SETD2: variants seen among roughly 807,000 people sequenced by gnomAD.
SETD2 encodes the protein histone-lysine N-methyltransferase SETD2.
Under a neutral mutation model 242.1 loss-of-function variants are expected in SETD2, and 31 were observed. That is an observed-to-expected ratio of 0.13 (90% CI 0.10 to 0.17). The LOEUF (loss-of-function observed/expected upper bound fraction) is 0.17. SETD2 is among the 10% of genes least tolerant of loss of function. SETD2 has a pLI of 1.00. For synonymous variants in SETD2, 1,006 were observed against 1,066.5 expected, an observed-to-expected ratio of 0.94 and a Z score of 1.11; for missense variants, 2,481 against 3,046.3, an observed-to-expected ratio of 0.81 and a Z score of 4.37.
chr3:47,101,009 C>CAAA (rs1164475680), intron 8 of SETD2, among the ~76,000 whole-genome samples: 30 of 23,114 alleles, frequency 1.3e-3, no homozygotes, highest in Admixed American at 7.9e-3. Flanking sequence ...GAGTCCATCT[C>CAAA]AAAAAAAAAA....
rs2041425571 is a variant in SETD2 at position 47,083,896 on chromosome 3, G to A, written c.5884C>T (p.Pro1962Ser). The change falls in exon 12 of 21, where the codon CCC becomes TCC. Residue 1962 changes from proline (P) to serine (S), a missense_variant. By Grantham distance (74) the Pro-to-Ser change is moderately conservative (BLOSUM62 -1). Around this residue, in one of 17 missense-constraint regions of SETD2, gnomAD observed 203 missense variants for 222.4 expected, o/e 0.91. Transcript: ENST00000409792. ...SEPEADAEIE[P>S]KESNGTKLEE... ...AGTTTTGTGCCGTTGCTCTCTTTGG[G>A]CTCTATTTCAGCGTCAGCTTCTGGT... 1 of 1,613,970 alleles carries A rather than the reference G, an allele frequency of 6.2e-7. No individual in the cohort carries two copies. Among genetic ancestry groups the A allele is most frequent in the African/African-American group, 1.3e-5 (1 of 74,890 alleles).
At chr3:47,031,876 T>C in intron 18 of SETD2, among the ~76,000 whole-genome samples, 1 of 152,322 alleles carries the variant, frequency 6.6e-6, no homozygotes, top group Admixed American at 6.5e-5. Flanking sequence ...ATCTATTATA[T>C]AACAATACAT....
chr3:47,145,745 G>A (rs960402496), intron 1 of SETD2, among the ~76,000 whole-genome samples: 12 of 152,280 alleles, frequency 7.9e-5, no homozygotes, highest in African/African-American at 2.6e-4. Context: ...AACAGGTGTG[G>A]TGGCTCATGC....
intron 1 of SETD2, among the ~76,000 whole-genome samples, chr3:47,141,963 A>T (rs1181426204): frequency 6.6e-6 from 1 of 151,926 alleles, no homozygotes; most frequent in Non-Finnish European, 1.5e-5. Flanking sequence ...TCCATACCTT[A>T]AAAAAAACAC....
chr3:47,127,431 T>C (rs1414381476), intron 1 of SETD2: 1 of 243,282 alleles, frequency 4.1e-6, no homozygotes, highest in African/African-American at 2.3e-5. Flanking sequence ...AGTCAGAGAT[T>C]AACACATAAA....
At chr3:47,143,000 T>C (rs1448097011) in intron 1 of SETD2, among the ~76,000 whole-genome samples, 1 of 151,736 alleles carries the variant, frequency 6.6e-6, no homozygotes, top group Non-Finnish European at 1.5e-5. Flanking sequence ...AATGGAAAAA[T>C]GAAAGTTGGG....
At chr3:47,134,119 C>T (rs2043541147) in intron 1 of SETD2, among the ~76,000 whole-genome samples, 1 of 152,164 alleles carries the variant, frequency 6.6e-6, no homozygotes, top group Non-Finnish European at 1.5e-5. Context: ...ATTACCTTCA[C>T]CATTAGGAAA....
intron 4 of SETD2, among the ~76,000 whole-genome samples, chr3:47,114,671 G>A (rs898542576): frequency 1.3e-5 from 2 of 152,200 alleles, no homozygotes; most frequent in South Asian, 2.1e-4. Context: ...TTGAGGTCAG[G>A]AATTCAAGAC....
chr3:47,053,156 G>A (rs769708661), intron 15 of SETD2, among the ~76,000 whole-genome samples: 1 of 152,066 alleles, frequency 6.6e-6, no homozygotes, highest in Non-Finnish European at 1.5e-5. Flanking sequence ...CAAACGTGCT[G>A]GGATTACAGG....
At position 47,121,050 on chromosome 3, in the gene SETD2, A is replaced by C. The variant is rs770731608; in HGVS notation, c.3586T>G (p.Ser1196Ala). Residue 1196 changes from serine to alanine, a missense_variant, in exon 3 of 21, where the codon TCT (serine) becomes GCT (alanine). Physicochemically the swap from Ser to Ala is moderately conservative, Grantham distance 99 (BLOSUM62 1). This residue lies in a region of SETD2 where 1,300 missense variants were observed against 1,259.2 expected (regional missense o/e 1.03). Transcript: ENST00000409792. ...ATTGGCAGCTCTTCTTGCTGCCTAG[A>C]AGGTATTTTGGCTTTCACGGTTTCC... ...SEETVKAKIP[S>A]RQQEELPIYS... is the part of the protein sequence containing the mutation. 6.2e-7 allele frequency: 1 copy of C among 1,614,034 alleles called. No individual in the cohort carries two copies. The highest frequency in any genetic ancestry group is 1.1e-5 in the South Asian group (1 of 91,084).
chr3:47,159,997 C>G (rs1469403486), intron 1 of SETD2, among the ~76,000 whole-genome samples: 1 of 151,874 alleles, frequency 6.6e-6, no homozygotes, highest in Non-Finnish European at 1.5e-5. Flanking sequence ...AAGCTAAACC[C>G]CATCTCACCC....
At chr3:47,029,895 C>A (rs990092796) in intron 18 of SETD2, among the ~76,000 whole-genome samples, 1 of 152,082 alleles carries the variant, frequency 6.6e-6, no homozygotes, top group East Asian at 1.9e-4. Flanking sequence ...ACGACTCACA[C>A]CTGTAATCCC....
chr3:47,066,991 A>C lies in SETD2; in HGVS notation c.6109+79T>G. On this transcript the variant is annotated intron_variant, in intron 13 of 20. Coordinates refer to ENST00000409792, the MANE Select transcript of SETD2 (RefSeq NM_014159.7). Reference sequence around the variant, plus strand: ...TCTAGTTTCAAAAACAAAAACGCTTAAGTTCTTATCAGTTACCTCTGCACA... The same window carrying C: ...TCTAGTTTCAAAAACAAAAACGCTTCAGTTCTTATCAGTTACCTCTGCACA... 2.9e-6 allele frequency: 3 copies of C among 1,039,846 alleles called. No individual in the cohort carries two copies. The South Asian group carries it at 4.4e-5, about 15-fold the overall frequency. The allele number at this position is 1,039,846 out of a possible 1,614,324, so 64.4% of individuals were successfully genotyped here.
At chr3:47,156,985 G>A (rs552864319) in intron 1 of SETD2, among the ~76,000 whole-genome samples, 16 of 152,124 alleles carry the variant, frequency 1.1e-4, no homozygotes, top group African/African-American at 3.1e-4. Flanking sequence ...AAATTAGCCA[G>A]GGCCAGGTGC....
chr3:47,105,844 A>C, intron 6 of SETD2, 153 bp downstream of exon 6: 1 of 766,120 alleles, frequency 1.3e-6, no homozygotes, highest in Non-Finnish European at 2.0e-6. Flanking sequence ...CAGGGGTTGC[A>C]GTGAGCCGAG....
chr3:47,083,595 A>G (rs2041409266), intron 12 of SETD2, 125 bp downstream of exon 12: 1 of 885,964 alleles, frequency 1.1e-6, no homozygotes, highest in Non-Finnish European at 1.7e-6. Flanking sequence ...ATAAAACAGT[A>G]AGAGAGACAG....
intron 9 of SETD2, among the ~76,000 whole-genome samples, chr3:47,091,730 T>A (rs974883848): frequency 6.6e-6 from 1 of 152,180 alleles, no homozygotes; most frequent in Middle Eastern, 3.4e-3. Context: ...GCCACTGTAC[T>A]CTAGCCTGGG....
At chr3:47,025,615 T>C (rs2038438534) in intron 18 of SETD2, among the ~76,000 whole-genome samples, 1 of 152,198 alleles carries the variant, frequency 6.6e-6, no homozygotes, top group Admixed American at 6.5e-5. Context: ...CAAACCAAAT[T>C]ATTTTTCAGT....
At chr3:47,073,969 A>C (rs1359017102) in intron 12 of SETD2, among the ~76,000 whole-genome samples, 2 of 152,222 alleles carry the variant, frequency 1.3e-5, no homozygotes, top group East Asian at 3.8e-4. Context: ...TAGCTCAACA[A>C]CACTAATTTT....
Sources: allele counts gnomAD v4.1 joint callset (sites outside exome capture counted in the v4.1 genomes callset), GRCh38; gene constraint gnomAD v4.1.1; regional missense constraint gnomAD v4.1.1; transcripts MANE v1.5; gene names NCBI Gene and HGNC (gene_info 2026-07-23, HGNC 2026-07-21).